Variants in UTS2B observed in about 807,000 individuals in gnomAD.
The protein encoded by UTS2B is urotensin-2B.
Under a neutral mutation model 19.2 loss-of-function variants are expected in UTS2B, and 21 were observed. The observed-to-expected ratio is 1.09, with a 90% confidence interval of 0.78 to 1.58. The LOEUF (loss-of-function observed/expected upper bound fraction) is 1.58, where lower values mean the gene tolerates loss of function less well. UTS2B is among the 40% of genes most tolerant of loss of function. UTS2B has a pLI of 0.00. For synonymous variants in UTS2B, 57 were observed against 50.2 expected, an observed-to-expected ratio of 1.14 and a Z score of -0.58; for missense variants, 138 against 130.3, an observed-to-expected ratio of 1.06 and a Z score of -0.29.
At chr3:191,326,161 T>C (rs1717740117) in intron 2 of UTS2B, among the ~76,000 whole-genome samples, 1 of 152,244 alleles carries the variant, frequency 6.6e-6, no homozygotes, top group Admixed American at 6.5e-5. Flanking sequence ...TATATTGTTT[T>C]TTTAACTTAC....
At chr3:191,336,122 G>C in the UTS2B span, among the ~76,000 whole-genome samples, 2 of 150,210 alleles carry the variant, frequency 1.3e-5, no homozygotes, top group African/African-American at 2.5e-5. Context: ...CTAAACATTT[G>C]TGTACAAGTG....
chr3:191,270,822 A>C (rs1178999149), intron 8 of UTS2B, among the ~76,000 whole-genome samples: 2 of 152,188 alleles, frequency 1.3e-5, no homozygotes, highest in African/African-American at 4.8e-5. Context: ...GGATAATCAG[A>C]AATTGACCCT....
upstream of UTS2B, among the ~76,000 whole-genome samples, chr3:191,330,823 A>G (rs1472696722): frequency 6.6e-6 from 1 of 152,172 alleles, no homozygotes; most frequent in Non-Finnish European, 1.5e-5. Context: ...GCTTTCTCAG[A>G]GTTTCAAGCA....
intron 8 of UTS2B, among the ~76,000 whole-genome samples, chr3:191,270,427 G>A (rs1185657556): frequency 1.3e-5 from 2 of 152,166 alleles, no homozygotes; most frequent in East Asian, 3.9e-4. Context: ...CAGACGATTG[G>A]GCACAAGTGA....
intron 8 of UTS2B, among the ~76,000 whole-genome samples, chr3:191,272,296 G>T (rs1283897574): frequency 6.6e-6 from 1 of 152,132 alleles, no homozygotes; most frequent in Non-Finnish European, 1.5e-5. Flanking sequence ...ACTCATTAAT[G>T]GCAGACAAGG....
intron 1 of UTS2B, chr3:191,329,633 G>A: frequency 6.3e-7 from 1 of 1,589,394 alleles, no homozygotes; most frequent in Non-Finnish European, 8.6e-7. Flanking sequence ...GGCGGTGACC[G>A]GGAAGCCCGC....
intron 4 of UTS2B, among the ~76,000 whole-genome samples, chr3:191,284,987 A>G (rs1160362595): frequency 6.6e-6 from 1 of 152,196 alleles, no homozygotes; most frequent in East Asian, 1.9e-4. Flanking sequence ...GTAACTTGAA[A>G]GCATGAATGT....
intron 4 of UTS2B, among the ~76,000 whole-genome samples, chr3:191,284,871 G>T (rs928887169): frequency 1.3e-5 from 2 of 152,006 alleles, no homozygotes; most frequent in South Asian, 2.1e-4. Flanking sequence ...GAGATGTAAA[G>T]ACTTTCCCAG....
chr3:191,322,411 A>G (rs1247341399), intron 2 of UTS2B, among the ~76,000 whole-genome samples: 1 of 152,246 alleles, frequency 6.6e-6, no homozygotes, highest in Non-Finnish European at 1.5e-5. Context: ...GTGAACAATT[A>G]GCCAATAAAA....
At chr3:191,320,858 A>C (rs926970764) in intron 2 of UTS2B, among the ~76,000 whole-genome samples, 1 of 152,260 alleles carries the variant, frequency 6.6e-6, no homozygotes, top group Non-Finnish European at 1.5e-5. Flanking sequence ...AGTGCTAATT[A>C]AATATTCAAC....
At chr3:191,311,738 T>A (rs1219108600) in intron 3 of UTS2B, among the ~76,000 whole-genome samples, 1 of 152,254 alleles carries the variant, frequency 6.6e-6, no homozygotes, top group Non-Finnish European at 1.5e-5. Context: ...AATGAGACAG[T>A]ATCCTTTAGG....
At chr3:191,329,812 C>G in intron 1 of UTS2B, 2 of 1,390,030 alleles carry the variant, frequency 1.4e-6, no homozygotes, top group East Asian at 2.6e-5. Flanking sequence ...TTTCGGCTCC[C>G]GCGGCCCTCG....
chr3:191,329,891 C>A lies in UTS2B; in HGVS notation c.-665+523G>T, dbSNP rs1717894347. On this transcript the variant is annotated intron_variant, in intron 1 of 8. Transcript: ENST00000340524. ...ATTGAATTCAGGTTCTAGTGTGGGA[C>A]GTTGGGCAAGTCTCCGACGTTCCAA... Among the ~76,000 whole-genome samples the A allele has an allele frequency of 2.3e-5, 3 of 129,662 alleles. No homozygotes were observed. The South Asian group carries it at 7.5e-4, about 32-fold the overall frequency. The allele number at this position is 129,662 out of a possible 152,430, so 85.1% of individuals were successfully genotyped here. A position where few individuals can be genotyped will look rare whatever the true frequency, so the allele number is the denominator to read the frequency against.
intron 2 of UTS2B, among the ~76,000 whole-genome samples, chr3:191,321,448 A>T (rs959781968): frequency 6.6e-6 from 1 of 152,218 alleles, no homozygotes; most frequent in African/African-American, 2.4e-5. Context: ...ATATGTGGAG[A>T]TATATGAATT....
chr3:191,338,109 T>C, the UTS2B span, among the ~76,000 whole-genome samples: 2 of 152,212 alleles, frequency 1.3e-5, no homozygotes, highest in African/African-American at 4.8e-5. Flanking sequence ...TTTAACTGCA[T>C]ATAGTAAAAC....
the UTS2B span, among the ~76,000 whole-genome samples, chr3:191,345,548 G>A: frequency 1.3e-5 from 2 of 151,994 alleles, no homozygotes; most frequent in African/African-American, 2.4e-5. Context: ...CTCTGTGGTC[G>A]CTGATAATGA....
chr3:191,310,699 A>G (rs925043169), intron 3 of UTS2B, among the ~76,000 whole-genome samples: 2 of 152,194 alleles, frequency 1.3e-5, no homozygotes, highest in Non-Finnish European at 2.9e-5. Context: ...CAGACCCTTC[A>G]TAGTTCTTGG....
At chr3:191,276,948 T>A (rs1226217175) in intron 6 of UTS2B, 104 bp from the exon 7 acceptor site, 15 of 994,540 alleles carry the variant, frequency 1.5e-5, no homozygotes, top group Non-Finnish European at 2.2e-5. Context: ...TAGGTCTTTT[T>A]CATATGATTT....
chr3:191,316,945 C>A (rs765467828), intron 2 of UTS2B, among the ~76,000 whole-genome samples: 36 of 152,264 alleles, frequency 2.4e-4, no homozygotes, highest in Non-Finnish European at 4.4e-4. Flanking sequence ...GCCCAGCTGG[C>A]TTAGCCTAGC....
Sources: gnomAD v4.1 joint callset for allele counts (sites outside exome capture counted in the v4.1 genomes callset) on GRCh38, gnomAD v4.1.1 for gene constraint, MANE v1.5 for transcripts, NCBI Gene and HGNC (gene_info 2026-07-23, HGNC 2026-07-21) for gene names.